DCC: variants seen among roughly 807,000 people sequenced by gnomAD.
DCC encodes the protein DCC netrin 1 receptor, also known as netrin receptor DCC.
DCC carries 58 observed loss-of-function variants against 172.5 expected under a neutral mutation model. The ratio of observed to expected loss-of-function variants is 0.34; its 90% CI spans 0.27 to 0.42. The LOEUF is 0.42. Ranked by LOEUF, DCC falls within the 10% of genes least tolerant of loss-of-function variation. The pLI, the probability that DCC is intolerant of heterozygous loss-of-function variation, is 1.00. For missense variants in DCC, 1,740 were observed against 1,791.0 expected (o/e 0.97, Z 0.51); for synonymous variants, 709 against 644.5 (o/e 1.10, Z -1.52).
At chr18:52,546,731 C>T (rs2032627939) in intron 1 of DCC, among the ~76,000 whole-genome samples, 1 of 152,072 alleles carries the variant, frequency 6.6e-6, no homozygotes. Flanking sequence ...ACCCAGGTAT[C>T]TCGAGACCTT....
At chr18:53,460,039 G>C (rs1395699322) in intron 24 of DCC, among the ~76,000 whole-genome samples, 1 of 90,326 alleles carries the variant, frequency 1.1e-5, no homozygotes, top group Non-Finnish European at 2.2e-5. Flanking sequence ...AAACTATGTT[G>C]TTATACAAAG....
intron 1 of DCC, among the ~76,000 whole-genome samples, chr18:52,388,541 T>A (rs539127293): frequency 6.6e-6 from 1 of 152,092 alleles, no homozygotes; most frequent in East Asian, 1.9e-4. Flanking sequence ...TATACTGTAT[T>A]TTGCATGGCT....
intron 1 of DCC, among the ~76,000 whole-genome samples, chr18:52,622,058 G>C (rs1465645088): frequency 6.6e-6 from 1 of 152,076 alleles, no homozygotes; most frequent in Non-Finnish European, 1.5e-5. Context: ...ATTAAAAGAG[G>C]ATCATCGAAC....
At chr18:53,118,820 TGTCG>T (rs529001534) in intron 7 of DCC, among the ~76,000 whole-genome samples, 63 of 151,948 alleles carry the variant, frequency 4.1e-4, no homozygotes, top group African/African-American at 1.4e-3. Context: ...CTCCAAAGCC[TGTCG>T]GGAGGCATTT....
chr18:53,230,108 A>G (rs1428975145), intron 12 of DCC, among the ~76,000 whole-genome samples: 1 of 152,030 alleles, frequency 6.6e-6, no homozygotes, highest in African/African-American at 2.4e-5. Flanking sequence ...CTCCATCTTC[A>G]TTGTTATTGA....
chr18:52,675,655 C>T (rs539391110), intron 1 of DCC, among the ~76,000 whole-genome samples: 11 of 152,258 alleles, frequency 7.2e-5, no homozygotes, highest in Middle Eastern at 3.4e-3. Flanking sequence ...GAGTTTGACT[C>T]TTCATAAACA....
At chr18:52,347,862 T>A (rs1206556526) in intron 1 of DCC, among the ~76,000 whole-genome samples, 1 of 152,190 alleles carries the variant, frequency 6.6e-6, no homozygotes, top group Non-Finnish European at 1.5e-5. Context: ...ATTTAAATTA[T>A]GAACTGTACT....
chr18:53,177,657 G>A (rs1181022756), intron 8 of DCC, among the ~76,000 whole-genome samples: 1 of 152,180 alleles, frequency 6.6e-6, no homozygotes, highest in Non-Finnish European at 1.5e-5. Flanking sequence ...GGTGGAAGAA[G>A]AGAACATGGT....
At chr18:52,817,442 A>G (rs1314911375) in intron 2 of DCC, among the ~76,000 whole-genome samples, 1 of 152,140 alleles carries the variant, frequency 6.6e-6, no homozygotes, top group Non-Finnish European at 1.5e-5. Context: ...GTTAATTATA[A>G]AATTATAAAT....
At chr18:53,088,938 G>T (rs2042962056) in intron 7 of DCC, among the ~76,000 whole-genome samples, 1 of 152,156 alleles carries the variant, frequency 6.6e-6, no homozygotes, top group African/African-American at 2.4e-5. Flanking sequence ...TGTGATACTT[G>T]ATAATATGAA....
At chr18:53,407,448 A>C (rs562370184) in intron 19 of DCC, among the ~76,000 whole-genome samples, 1 of 148,234 alleles carries the variant, frequency 6.7e-6, no homozygotes, top group South Asian at 2.1e-4. Context: ...ATAATAGAAT[A>C]TATACATATA....
At chr18:52,364,771 A>AT (rs1984771751) in intron 1 of DCC, among the ~76,000 whole-genome samples, 2 of 152,208 alleles carry the variant, frequency 1.3e-5, no homozygotes, top group Non-Finnish European at 2.9e-5. Flanking sequence ...GAAGTGGGCC[A>AT]GGAAGGGCAG....
intron 5 of DCC, among the ~76,000 whole-genome samples, chr18:53,002,950 A>G (rs1210943677): frequency 6.6e-6 from 1 of 152,116 alleles, no homozygotes. Flanking sequence ...TTTGATCCCA[A>G]CATATTAGGA....
At chr18:52,504,893 G>A (rs1305482177) in intron 1 of DCC, among the ~76,000 whole-genome samples, 3 of 152,146 alleles carry the variant, frequency 2.0e-5, no homozygotes, top group Admixed American at 1.3e-4. Flanking sequence ...GACCATCAAT[G>A]TCTGTCTTGA....
chr18:53,238,897 C>T (rs1422672156), intron 12 of DCC, among the ~76,000 whole-genome samples: 1 of 151,958 alleles, frequency 6.6e-6, no homozygotes, highest in African/African-American at 2.4e-5. Context: ...ATTAGCCATA[C>T]CTAGTATTAT....
At chr18:52,372,927 G>A (rs188432819) in intron 1 of DCC, among the ~76,000 whole-genome samples, 39 of 152,138 alleles carry the variant, frequency 2.6e-4, no homozygotes, top group Non-Finnish European at 1.5e-5. Context: ...AAAATGCAGT[G>A]CATTTTGCTA....
At chr18:52,600,758 T>C (rs919451846) in intron 1 of DCC, among the ~76,000 whole-genome samples, 1 of 152,224 alleles carries the variant, frequency 6.6e-6, no homozygotes, top group African/African-American at 2.4e-5. Flanking sequence ...CCACTTGTTT[T>C]TAGTTTTTCC....
chr18:52,421,128 C>A (rs1987233425), intron 1 of DCC, among the ~76,000 whole-genome samples: 1 of 152,158 alleles, frequency 6.6e-6, no homozygotes, highest in African/African-American at 2.4e-5. Context: ...AGTTATTGAA[C>A]TGTACAGTTC....
chr18:53,113,223 G>C, intron 7 of DCC, among the ~76,000 whole-genome samples: 1 of 151,548 alleles, frequency 6.6e-6, no homozygotes, highest in African/African-American at 2.4e-5. Context: ...TATTTATATG[G>C]GATGAAAATT....
Sources: allele counts gnomAD v4.1 joint callset (sites outside exome capture counted in the v4.1 genomes callset), GRCh38; gene constraint gnomAD v4.1.1; transcripts MANE v1.5; gene names NCBI Gene and HGNC (gene_info 2026-07-23, HGNC 2026-07-21).